Variants in TULP1 observed in about 807,000 individuals in gnomAD.
TULP1 encodes the protein TUB like protein 1.
Under a neutral mutation model 67.1 loss-of-function variants are expected in TULP1, and 50 were observed. The ratio of observed to expected loss-of-function variants is 0.75; its 90% CI spans 0.59 to 0.94. The LOEUF (loss-of-function observed/expected upper bound fraction) is 0.94. Ranked by LOEUF, TULP1 falls within the 40% of genes least tolerant of loss-of-function variation. TULP1 has a pLI of 0.00. For missense variants in TULP1, 746 were observed against 734.1 expected (o/e 1.02, Z -0.19); for synonymous variants, 297 against 294.0 (o/e 1.01, Z -0.11).
intron 4 of TULP1, 110 bp from the exon 5 acceptor site, chr6:35,511,120 C>G (rs1203631754): frequency 1.3e-6 from 2 of 1,553,298 alleles, no homozygotes; most frequent in Non-Finnish European, 1.7e-6. Context: ...AGAAGGGGAG[C>G]CTGCCCTTCT....
chr6:35,503,066 T>C lies in TULP1; in HGVS notation c.1323+493A>G, dbSNP rs1761001955. Among the ~76,000 whole-genome samples, 1 of 152,032 alleles carries C rather than the reference T, an allele frequency of 6.6e-6. No homozygotes were observed. Among genetic ancestry groups the C allele is most frequent in the Non-Finnish European group, 1.5e-5 (1 of 68,014 alleles). Reference sequence around the variant, plus strand: ...CATTCTCCTGCCTCAGCCTCCCAAGTAGCTGGGACTATAGGCGCCCGCCAC... The same window carrying C: ...CATTCTCCTGCCTCAGCCTCCCAAGCAGCTGGGACTATAGGCGCCCGCCAC... On this transcript the variant is annotated intron_variant, in intron 13 of 14. Coordinates refer to ENST00000229771, the MANE Select transcript of TULP1 (RefSeq NM_003322.6). This position sits in a 1 kb window ranked among gnomAD's most constrained non-coding sequence, Gnocchi z 4.0.
intron 8 of TULP1, 43 bp from the exon 9 acceptor site, chr6:35,506,322 G>T: frequency 6.4e-7 from 1 of 1,550,770 alleles, no homozygotes; most frequent in Non-Finnish European, 8.7e-7. Context: ...AGCAGGGGCC[G>T]CATCCCTGGA....
chr6:35,500,568 G>A (rs1768817556), intron 13 of TULP1, among the ~76,000 whole-genome samples: 1 of 152,192 alleles, frequency 6.6e-6, no homozygotes, highest in Non-Finnish European at 1.5e-5. Flanking sequence ...TTGGAGGAGA[G>A]TTTCTGAAAG....
chr6:35,498,533 A>G lies in TULP1; in HGVS notation c.1496-73T>C. 1.2e-6 allele frequency: 2 copies of G among 1,604,240 alleles called. No individual in the cohort carries two copies. The highest frequency in any genetic ancestry group is 1.7e-6 in the Non-Finnish European group (2 of 1,176,038). On this transcript the variant is annotated intron_variant, in intron 14 of 14. Coordinates refer to ENST00000229771, the MANE Select transcript of TULP1 (RefSeq NM_003322.6). The surrounding 1 kb of genome is among the most constrained non-coding windows in gnomAD (Gnocchi z 6.7). ...CCCATCCTGGCAGACAGTGCCCTCA[A>G]CCTTGGGGGCAGTCTGTCCCTTGCC...
rs778426718 is a variant in TULP1, at chr6:35,512,627, G to T, written c.99+12C>A. ...ACATCTTTCTGCTTCCTTTCCAAGT[G>T]GGGTGGCATACCTGTTTGGGGCGCC... On this transcript the variant is annotated intron_variant, in intron 2 of 14. Coordinates refer to ENST00000229771, the MANE Select transcript of TULP1 (RefSeq NM_003322.6). The T allele has an allele frequency of 4.6e-5, 74 of 1,613,790 alleles. No homozygotes were observed. Among genetic ancestry groups the T allele is most frequent in the Non-Finnish European group, 6.3e-5 (74 of 1,179,972 alleles).
intron 8 of TULP1, among the ~76,000 whole-genome samples, chr6:35,508,612 C>G (rs1179111498): frequency 6.6e-6 from 1 of 152,182 alleles, no homozygotes; most frequent in Non-Finnish European, 1.5e-5. Context: ...GTGTTGGTGT[C>G]TGAGTCCTGT....
rs546606816 is a variant in TULP1 at position 35,499,852 on chromosome 6, T to G, written c.1495+129A>C. The G allele has an allele frequency of 1.1e-4, 125 of 1,167,654 alleles. 1 individual carries two copies. The African/African-American group carries it at 1.4e-3, about 13-fold the overall frequency. The allele number at this position is 1,167,654 out of a possible 1,614,324, so 72.3% of individuals were successfully genotyped here. On this transcript the variant is annotated intron_variant, in intron 14 of 14. Coordinates refer to ENST00000229771, the MANE Select transcript of TULP1 (RefSeq NM_003322.6). ...GTGCCTATGGAGGAGAGAGTGACCC[T>G]GTGGGATGTCCCAGCTCTCGGGATA...
At chr6:35,509,962 G>A (rs1348524993) in intron 5 of TULP1, 34 bp from the exon 6 acceptor site, 2 of 1,603,586 alleles carry the variant, frequency 1.2e-6, no homozygotes, top group Non-Finnish European at 1.7e-6. Context: ...GGCAAAGAAG[G>A]TGTCTACTGG....
At chr6:35,505,575 G>T in intron 11 of TULP1, 166 bp downstream of exon 11, 1 of 1,523,958 alleles carries the variant, frequency 6.6e-7, no homozygotes, top group Non-Finnish European at 8.8e-7. Flanking sequence ...ATTTTAACAA[G>T]CTCCCCACAT....
intron 8 of TULP1, 54 bp from the exon 9 acceptor site, chr6:35,506,333 G>T: frequency 6.5e-7 from 1 of 1,548,676 alleles, no homozygotes; most frequent in Non-Finnish European, 8.7e-7. Flanking sequence ...CATCCCTGGA[G>T]GCGGGGAAGC....
At chr6:35,507,876 G>A (rs1436851270) in intron 8 of TULP1, among the ~76,000 whole-genome samples, 13 of 152,120 alleles carry the variant, frequency 8.5e-5, no homozygotes, top group African/African-American at 2.9e-4. Context: ...ATGCAGTGGC[G>A]TGATCTCAGC....
rs1237263305 is a variant in TULP1 at position 35,505,772 on chromosome 6, G to A, written c.1081C>T (p.Arg361Ter). 11 of 1,613,998 alleles carry A rather than the reference G, an allele frequency of 6.8e-6. No homozygotes were observed. The highest frequency in any genetic ancestry group is 1.3e-5 in the African/African-American group (1 of 74,898). The change falls in exon 11 of 15, where the codon CGA (arginine) becomes TGA (stop). Residue 361 changes from arginine (R) to a stop codon, truncating the protein, a stop_gained. Coordinates refer to ENST00000229771, the MANE Select transcript of TULP1 (RefSeq NM_003322.6). LOFTEE classifies it high-confidence loss of function. ...TTCCCGATGAAATTCTCCCCTCCTC[G>A]GGACAGATTGGTAGGGTCGATGGAG... ...LISIDPTNLS[R>*]GGENFIGKLR... is the part of the protein sequence containing the mutation.
At chr6:35,504,646 C>T (rs565457568) in intron 11 of TULP1, among the ~76,000 whole-genome samples, 5 of 151,994 alleles carry the variant, frequency 3.3e-5, no homozygotes, top group South Asian at 4.2e-4. Flanking sequence ...CTGCAAGCTC[C>T]GCCTCCCGGG....
chr6:35,509,625 G>A lies in TULP1; in HGVS notation c.718+9C>T. On this transcript the variant is annotated intron_variant, in intron 7 of 14. Coordinates refer to ENST00000229771, the MANE Select transcript of TULP1 (RefSeq NM_003322.6). ...AGATGTCACCACACCAGAAGCCCTT[G>A]CCATCCACCTTTCTTCTTCAGGGCT... The A allele has an allele frequency of 6.2e-7, 1 of 1,612,874 alleles. No homozygotes were observed. Among genetic ancestry groups the A allele is most frequent in the Non-Finnish European group, 8.5e-7 (1 of 1,178,926 alleles).
intron 14 of TULP1, among the ~76,000 whole-genome samples, chr6:35,499,750 G>A (rs1433569174): frequency 1.3e-5 from 2 of 152,288 alleles, no homozygotes; most frequent in East Asian, 3.9e-4. Context: ...TCTGGCCAAT[G>A]CTGGAATGGG....
rs1768759069 is a variant in TULP1 at position 35,498,545 on chromosome 6, G to C, written c.1496-85C>G. ...GACAGTGCCCTCAACCTTGGGGGCA[G>C]TCTGTCCCTTGCCTTGGGGCTCCAA... On this transcript the variant is annotated intron_variant, in intron 14 of 14. Coordinates refer to ENST00000229771, the MANE Select transcript of TULP1 (RefSeq NM_003322.6). This position sits in a 1 kb window ranked among gnomAD's most constrained non-coding sequence, Gnocchi z 6.7. The C allele has an allele frequency of 3.8e-6, 6 of 1,587,928 alleles. No individual in the cohort carries two copies. The East Asian group carries it at 1.4e-4, about 36-fold the overall frequency.
intron 14 of TULP1, 146 bp downstream of exon 14, chr6:35,499,835 G>A: frequency 9.9e-7 from 1 of 1,007,610 alleles, no homozygotes; most frequent in South Asian, 1.3e-5. Flanking sequence ...CAGTGCCTAT[G>A]GAGGAGAGAG....
intron 13 of TULP1, among the ~76,000 whole-genome samples, chr6:35,501,432 A>T (rs1240219988): frequency 7.3e-6 from 1 of 137,804 alleles, no homozygotes; most frequent in Non-Finnish European, 1.5e-5. Context: ...CAGGAGGTCG[A>T]GGCTGCAGTA....
At chr6:35,505,643 C>T in intron 11 of TULP1, 98 bp downstream of exon 11, 1 of 1,565,746 alleles carries the variant, frequency 6.4e-7, no homozygotes, top group Non-Finnish European at 8.7e-7. Context: ...AGGGTGCCCA[C>T]TGTGGTGGGT....
Sources: allele counts gnomAD v4.1 joint callset (sites outside exome capture counted in the v4.1 genomes callset), GRCh38; gene constraint gnomAD v4.1.1; non-coding constraint Gnocchi (gnomAD v3.1); transcripts MANE v1.5; gene names NCBI Gene and HGNC (gene_info 2026-07-23, HGNC 2026-07-21).